The following ACACA variants were observed in gnomAD, a reference collection of about 807,000 sequenced individuals.
ACACA encodes the protein acetyl-CoA carboxylase 1.
ACACA carries 103 observed loss-of-function variants against 296.1 expected under a neutral mutation model. That is an observed-to-expected ratio of 0.35 (90% confidence interval 0.30 to 0.41). The LOEUF (loss-of-function observed/expected upper bound fraction) is 0.41, where lower values mean the gene tolerates loss of function less well. Ranked by LOEUF, ACACA falls within the 10% of genes least tolerant of loss-of-function variation. The pLI, the probability that ACACA is intolerant of heterozygous loss-of-function variation, is 1.00. For synonymous variants in ACACA, 953 were observed against 1,038.6 expected, an observed-to-expected ratio of 0.92 and a Z score of 1.58; for missense variants, 1,554 against 2,989.7, an observed-to-expected ratio of 0.52 and a Z score of 11.20.
intron 30 of ACACA, 43 bp from the exon 31 acceptor site, chr17:37,207,843 G>C: frequency 6.2e-7 from 1 of 1,606,030 alleles, no homozygotes; most frequent in Non-Finnish European, 8.5e-7. Context: ...AGGAGGGTAG[G>C]AGCAAGGACT....
chr17:37,399,864 T>C lies in ACACA; in HGVS notation c.38+6398A>G, dbSNP rs778375673. ...TTTTGCTTTATTTTTATAAATAATG[T>C]TCTAAGAAATTTATTTTATTTAATT... On this transcript the variant is annotated intron_variant, in intron 1 of 55. Coordinates refer to ENST00000616317, the MANE Select transcript of ACACA (RefSeq NM_198834.3). 3.9e-5 allele frequency among the ~76,000 whole-genome samples: 6 copies of C among 152,278 alleles called. 1 individual carries two copies. Among genetic ancestry groups the C allele is most frequent in the Middle Eastern group, 6.8e-3 (2 of 294 alleles).
At chr17:37,106,953 T>C (rs1044611931) in intron 52 of ACACA, among the ~76,000 whole-genome samples, 2 of 152,200 alleles carry the variant, frequency 1.3e-5, no homozygotes, top group Admixed American at 6.5e-5. Context: ...TCAGAAAATT[T>C]TGTCACTATT....
At chr17:37,292,097 T>C (rs2083096716) in intron 3 of ACACA, among the ~76,000 whole-genome samples, 1 of 152,148 alleles carries the variant, frequency 6.6e-6, no homozygotes, top group Admixed American at 6.6e-5. Context: ...ATGTGTTACC[T>C]GTTCAATGGC....
At chr17:37,295,062 A>T (rs2083263673) in intron 3 of ACACA, among the ~76,000 whole-genome samples, 1 of 152,224 alleles carries the variant, frequency 6.6e-6, no homozygotes, top group Admixed American at 6.5e-5. Flanking sequence ...TTTTGTCCTT[A>T]GCCAGTAGAG....
chr17:37,216,156 AC>A (rs1347418389), intron 29 of ACACA, among the ~76,000 whole-genome samples: 55 of 142,500 alleles, frequency 3.9e-4, no homozygotes, highest in Middle Eastern at 3.6e-3. Flanking sequence ...ACACACACAC[AC>A]AACATACACA....
At position 37,386,085 on chromosome 17, in the gene ACACA, A is replaced by G. The variant is rs374420402; in HGVS notation, c.38+20177T>C. 56 of 1,599,212 alleles carry G rather than the reference A, an allele frequency of 3.5e-5. No individual in the cohort carries two copies. The African/African-American group carries it at 6.3e-4, about 18-fold the overall frequency. ...CTTTTCCCACCACTGCCCCTTCTAT[A>G]ACTCCTGGGAATAAAGAAGGAGAGA... is the stretch of plus-strand genomic sequence containing the variant. On this transcript the variant is annotated intron_variant, in intron 1 of 55. Transcript: ENST00000616317.
intron 2 of ACACA, among the ~76,000 whole-genome samples, chr17:37,338,116 A>G (rs2048210976): frequency 6.7e-6 from 1 of 150,142 alleles, no homozygotes; most frequent in African/African-American, 2.4e-5. Flanking sequence ...ATAAAATAAA[A>G]TAAAATAAAA....
At chr17:37,121,571 T>G (rs2143014313) in intron 49 of ACACA, 81 bp from the exon 50 acceptor site, 1 of 1,559,622 alleles carries the variant, frequency 6.4e-7, no homozygotes, top group Non-Finnish European at 8.8e-7. Flanking sequence ...AGATTTTACT[T>G]ATTTAAAACT....
chr17:37,177,269 C>CGTGTGTGT (rs112439511), intron 41 of ACACA, among the ~76,000 whole-genome samples: 21 of 146,532 alleles, frequency 1.4e-4, no homozygotes, highest in Admixed American at 3.4e-4. Flanking sequence ...TTAAAAAATT[C>CGTGTGTGT]GTGTGTGTGT....
At chr17:37,342,436 A>AAAATATATATAT (rs1555652530) in intron 1 of ACACA, among the ~76,000 whole-genome samples, 1 of 58,216 alleles carries the variant, frequency 1.7e-5, no homozygotes, top group Non-Finnish European at 2.9e-5. Context: ...AAAAAAAAAA[A>AAAATATATATAT]ATATATATAT....
intron 45 of ACACA, among the ~76,000 whole-genome samples, chr17:37,145,743 T>C (rs1258737443): frequency 1.3e-5 from 2 of 152,234 alleles, no homozygotes; most frequent in Non-Finnish European, 2.9e-5. Context: ...ACCAGACAGA[T>C]ATTCTTGACT....
At chr17:37,273,849 C>CGCCCTCACACACTAA (rs2082166056) in intron 9 of ACACA, among the ~76,000 whole-genome samples, 1 of 152,168 alleles carries the variant, frequency 6.6e-6, no homozygotes, top group South Asian at 2.1e-4. Flanking sequence ...TTGTTGTCCC[C>CGCCCTCACACACTAA]GCCCTCACAC....
intron 3 of ACACA, among the ~76,000 whole-genome samples, chr17:37,317,386 C>T (rs962350575): frequency 5.3e-5 from 8 of 151,932 alleles, no homozygotes; most frequent in Admixed American, 2.0e-4. Flanking sequence ...GGCAACAGGG[C>T]GAAACCCCGT....
At chr17:37,223,927 C>A (rs1021423279) in intron 27 of ACACA, among the ~76,000 whole-genome samples, 6 of 152,210 alleles carry the variant, frequency 3.9e-5, no homozygotes. Flanking sequence ...CTTCACCAGG[C>A]ATGGTGGCTC....
chr17:37,121,573 T>C, intron 49 of ACACA, 83 bp from the exon 50 acceptor site: 2 of 1,559,088 alleles, frequency 1.3e-6, no homozygotes, highest in East Asian at 4.5e-5. Context: ...ATTTTACTTA[T>C]TTAAAACTGA....
chr17:37,406,367 A>G lies in ACACA; in HGVS notation c.-68T>C, dbSNP rs1459162126. The stretch of plus-strand genomic sequence containing the variant: ...GAGGGGATGGTTCTTTCCAAAGAAG[A>G]CAATTTCGACGTTCCAGGAGCATCT... On this transcript the variant is annotated 5_prime_UTR_variant, in exon 1 of 56. Transcript: ENST00000616317. 1.3e-6 allele frequency: 2 copies of G among 1,556,996 alleles called. No individual in the cohort carries two copies. Among genetic ancestry groups the G allele is most frequent in the South Asian group, 2.2e-5 (2 of 89,998 alleles).
At chr17:37,107,097 A>C (rs1351879366) in intron 52 of ACACA, among the ~76,000 whole-genome samples, 1 of 152,186 alleles carries the variant, frequency 6.6e-6, no homozygotes, top group Non-Finnish European at 1.5e-5. Context: ...ATTTCTCATC[A>C]GCCTCCTTAC....
intron 3 of ACACA, among the ~76,000 whole-genome samples, chr17:37,318,012 C>T (rs571337856): frequency 6.6e-6 from 1 of 152,186 alleles, no homozygotes; most frequent in South Asian, 2.1e-4. Context: ...AAGGAAGGAG[C>T]ACTGAAAGTA....
At position 37,270,873 on chromosome 17, in the gene ACACA, A is replaced by G. The variant is rs1476721759; in HGVS notation, c.1009-12T>C. ...ACTTCCTCAGCTGCCTTCAAAAAGAAAGAAAAAAAAAATAGAAGAAACAGT... is the reference window on the plus strand; with the variant it reads ...ACTTCCTCAGCTGCCTTCAAAAAGAGAGAAAAAAAAAATAGAAGAAACAGT... On this transcript the variant is annotated splice_polypyrimidine_tract_variant and intron_variant, in intron 9 of 55. Coordinates refer to ENST00000616317, the MANE Select transcript of ACACA (RefSeq NM_198834.3). The G allele has an allele frequency of 6.2e-7, 1 of 1,604,776 alleles. No homozygotes were observed. The highest frequency in any genetic ancestry group is 8.5e-7 in the Non-Finnish European group (1 of 1,171,994).
Sources: gnomAD v4.1 joint callset for allele counts (sites outside exome capture counted in the v4.1 genomes callset) on GRCh38, gnomAD v4.1.1 for gene constraint, MANE v1.5 for transcripts, NCBI Gene and HGNC (gene_info 2026-07-23, HGNC 2026-07-21) for gene names.